The following ATL1 variants were observed in gnomAD, a reference collection of about 807,000 sequenced individuals.
ATL1 encodes the protein atlastin GTPase 1.
A neutral mutation model predicts 75.5 loss-of-function variants in ATL1; 31 were observed. That is an observed-to-expected ratio of 0.41 (90% CI 0.31 to 0.55). ATL1 has a LOEUF of 0.55. ATL1 is among the 20% of genes least tolerant of loss of function. The pLI is 0.27. For missense variants in ATL1, 405 were observed against 662.6 expected (o/e 0.61, Z 4.27); for synonymous variants, 226 against 233.3 (o/e 0.97, Z 0.28).
At chr14:50,620,477 G>C in intron 8 of ATL1, 122 bp from the exon 9 acceptor site, 1 of 1,059,210 alleles carries the variant, frequency 9.4e-7, no homozygotes, top group South Asian at 1.4e-5. Flanking sequence ...TAAATGATGG[G>C]GAAGTGAGTG....
At chr14:50,570,409 T>C (rs1362486109) in intron 1 of ATL1, among the ~76,000 whole-genome samples, 1 of 152,172 alleles carries the variant, frequency 6.6e-6, no homozygotes, top group Non-Finnish European at 1.5e-5. Flanking sequence ...AGGGTCTCAC[T>C]CTGTTGCCCA....
chr14:50,592,876 G>A (rs1384776681), intron 4 of ATL1, among the ~76,000 whole-genome samples: 7 of 138,362 alleles, frequency 5.1e-5, no homozygotes, highest in Non-Finnish European at 1.5e-5. Context: ...TTGCGCCACT[G>A]CACTCCAACC....
chr14:50,590,654 A>T (rs1399134172), intron 2 of ATL1, among the ~76,000 whole-genome samples: 1 of 152,160 alleles, frequency 6.6e-6, no homozygotes, highest in Non-Finnish European at 1.5e-5. Flanking sequence ...TTATTGCATC[A>T]TAATGGTTTG....
At chr14:50,579,016 T>A (rs1407982973) in intron 1 of ATL1, among the ~76,000 whole-genome samples, 2 of 152,232 alleles carry the variant, frequency 1.3e-5, no homozygotes, top group East Asian at 3.8e-4. Flanking sequence ...GTTATCAATA[T>A]ATTTTTTCAT....
intron 4 of ATL1, among the ~76,000 whole-genome samples, chr14:50,592,919 A>C (rs904271936): frequency 9.8e-5 from 10 of 101,802 alleles, no homozygotes; most frequent in African/African-American, 3.8e-4. Context: ...GTCTCAAAAA[A>C]AAAAAAAAAA....
At chr14:50,606,524 T>A (rs530785604) in intron 6 of ATL1, among the ~76,000 whole-genome samples, 1 of 151,938 alleles carries the variant, frequency 6.6e-6, no homozygotes, top group East Asian at 1.9e-4. Flanking sequence ...TGATTTTGTA[T>A]TATGTGCTAT....
intron 9 of ATL1, among the ~76,000 whole-genome samples, chr14:50,621,370 ATC>A (rs2039465411): frequency 6.6e-6 from 1 of 152,212 alleles, no homozygotes; most frequent in Non-Finnish European, 1.5e-5. Context: ...GTTCTGTGTG[ATC>A]TGTTTACCTT....
rs773918568 is a variant in ATL1 at position 50,554,106 on chromosome 14, A to G, written c.-139-6021A>G. Among the ~76,000 whole-genome samples, 181 of 149,238 alleles carry G rather than the reference A, an allele frequency of 1.2e-3. 7 individuals are homozygous for G. Among genetic ancestry groups the G allele is most frequent in the Non-Finnish European group, 5.2e-4 (35 of 67,632 alleles). ...CCCCAAAAACTATTGAAATTTTTAA[A>G]AAGTTTTTTTTTTTTAATCCACAAA... On this transcript the variant is annotated intron_variant, in intron 1 of 13. Transcript: ENST00000441560.
rs1595615134 is a variant in ATL1 at position 50,614,400 on chromosome 14, C to G, written c.751C>G (p.Gln251Glu). 1.9e-6 allele frequency: 3 copies of G among 1,613,936 alleles called. No individual in the cohort carries two copies. Among genetic ancestry groups the G allele is most frequent in the African/African-American group, 1.3e-5 (1 of 74,918 alleles). ...CTCAGGGAACCAGCATGAAGAACTA[C>G]AGAACGTCAGAAAACACATCCATTC... is the stretch of plus-strand genomic sequence containing the variant. ...KVSGNQHEELQNVRKHIHSCF... is the reference protein window; with the variant it reads ...KVSGNQHEELENVRKHIHSCF... The change falls in exon 8 of 14, where the codon CAG becomes GAG. Residue 251 changes from glutamine to glutamate, a missense_variant. Physicochemically the swap from Gln to Glu is conservative, Grantham distance 29. Around this residue, in one of 5 missense-constraint regions of ATL1, gnomAD observed 59 missense variants for 161.4 expected, o/e 0.37. Transcript: ENST00000358385.
At chr14:50,550,918 A>T (rs1236293930) in intron 1 of ATL1, among the ~76,000 whole-genome samples, 2 of 152,230 alleles carry the variant, frequency 1.3e-5, no homozygotes, top group East Asian at 3.8e-4. Flanking sequence ...GGAAGGTCAT[A>T]GCATTAAATG....
At chr14:50,612,764 G>T (rs886303143) in intron 6 of ATL1, among the ~76,000 whole-genome samples, 2 of 152,014 alleles carry the variant, frequency 1.3e-5, no homozygotes, top group Non-Finnish European at 2.9e-5. Flanking sequence ...GATGTGGGGT[G>T]CATTTTTAAA....
intron 2 of ATL1, 70 bp downstream of exon 2, chr14:50,588,148 G>A (rs2039120819): frequency 1.3e-6 from 2 of 1,591,980 alleles, no homozygotes; most frequent in Non-Finnish European, 1.7e-6. Flanking sequence ...TTATTTCATG[G>A]TGTTCAAAAT....
At chr14:50,550,192 C>G (rs1026149764) in intron 1 of ATL1, among the ~76,000 whole-genome samples, 1 of 152,318 alleles carries the variant, frequency 6.6e-6, no homozygotes, top group African/African-American at 2.4e-5. Flanking sequence ...ATAGGCAAGG[C>G]TGGAAGCTTA....
chr14:50,631,361 A>T (rs1309345860), intron 13 of ATL1, among the ~76,000 whole-genome samples: 1 of 152,142 alleles, frequency 6.6e-6, no homozygotes, highest in Admixed American at 6.6e-5. Context: ...CTGGGAACAG[A>T]TTACTATTTA....
intron 13 of ATL1, 195 bp from the exon 14 acceptor site, chr14:50,632,034 C>T: frequency 6.7e-6 from 3 of 445,642 alleles, no homozygotes; most frequent in Non-Finnish European, 8.2e-6. Flanking sequence ...CACAGGTCAA[C>T]ACACAAAAGT....
intron 1 of ATL1, among the ~76,000 whole-genome samples, chr14:50,554,445 A>G (rs2038740734): frequency 2.6e-5 from 4 of 152,146 alleles, no homozygotes; most frequent in Non-Finnish European, 5.9e-5. Context: ...CCACTCAAGG[A>G]CTTTCATGCA....
chr14:50,578,496 G>A (rs2039027219), intron 1 of ATL1, among the ~76,000 whole-genome samples: 1 of 152,090 alleles, frequency 6.6e-6, no homozygotes, highest in East Asian at 1.9e-4. Context: ...TTTGTGCTCT[G>A]TCTTACTCTT....
chr14:50,630,476 C>A (rs2140241369), intron 13 of ATL1, among the ~76,000 whole-genome samples: 1 of 152,332 alleles, frequency 6.6e-6, no homozygotes, highest in East Asian at 1.9e-4. Context: ...AGTATGTATT[C>A]TTTCTTGGCA....
intron 6 of ATL1, among the ~76,000 whole-genome samples, chr14:50,604,962 T>G (rs950704655): frequency 6.6e-6 from 1 of 152,074 alleles, no homozygotes; most frequent in African/African-American, 2.4e-5. Flanking sequence ...GTAACTGCTC[T>G]GAGGCAAGGA....
Sources: allele counts gnomAD v4.1 joint callset (sites outside exome capture counted in the v4.1 genomes callset), GRCh38; gene constraint gnomAD v4.1.1; regional missense constraint gnomAD v4.1.1; transcripts MANE v1.5; gene names NCBI Gene and HGNC (gene_info 2026-07-23, HGNC 2026-07-21).